GLIS3: variants seen among roughly 807,000 people sequenced by gnomAD.
The protein encoded by GLIS3 is zinc finger protein GLIS3.
Under a neutral mutation model 78.6 loss-of-function variants are expected in GLIS3, and 53 were observed. That is an observed-to-expected ratio of 0.67 (90% CI 0.54 to 0.85). The LOEUF (loss-of-function observed/expected upper bound fraction) is 0.85, where lower values mean the gene tolerates loss of function less well. Among genes scored for constraint, GLIS3 ranks in the 40% least tolerant of loss-of-function variants. GLIS3 has a pLI of 0.00. For missense variants in GLIS3, 1,703 were observed against 1,231.1 expected (o/e 1.38, Z -5.74); for synonymous variants, 684 against 509.9 (o/e 1.34, Z -4.60).
At chr9:4,176,011 G>A (rs1403846641) in intron 2 of GLIS3, among the ~76,000 whole-genome samples, 1 of 152,072 alleles carries the variant, frequency 6.6e-6, no homozygotes, top group Non-Finnish European at 1.5e-5. Context: ...AGTCCTGATT[G>A]AGCTCCAACC....
chr9:4,398,318 G>C, the GLIS3 span, among the ~76,000 whole-genome samples: 1 of 152,056 alleles, frequency 6.6e-6, no homozygotes, highest in Admixed American at 6.5e-5. Context: ...GCATTAGCAT[G>C]ACCTGGAATC....
the GLIS3 span, among the ~76,000 whole-genome samples, chr9:4,380,189 C>T: frequency 6.6e-6 from 1 of 152,178 alleles, no homozygotes. Context: ...ATTGACTCTT[C>T]CTTAAGAAGT....
At chr9:4,043,797 G>A (rs759501717) in intron 4 of GLIS3, among the ~76,000 whole-genome samples, 1 of 152,212 alleles carries the variant, frequency 6.6e-6, no homozygotes, top group Non-Finnish European at 1.5e-5. Context: ...ACACAAAAGA[G>A]AGAAGAGTAA....
chr9:4,441,853 C>T, the GLIS3 span, among the ~76,000 whole-genome samples: 1 of 152,180 alleles, frequency 6.6e-6, no homozygotes, highest in African/African-American at 2.4e-5. Flanking sequence ...GATCTGCCCA[C>T]CTCGGCCTCC....
chr9:4,347,841 G>A (rs1817915065), intron 1 of GLIS3, among the ~76,000 whole-genome samples: 1 of 152,064 alleles, frequency 6.6e-6, no homozygotes, highest in African/African-American at 2.4e-5. Context: ...ATTTTACTGG[G>A]TAATTTTTTT....
chr9:4,067,161 A>AT (rs34810075), intron 4 of GLIS3, among the ~76,000 whole-genome samples: 12 of 150,876 alleles, frequency 8.0e-5, no homozygotes, highest in Non-Finnish European at 1.5e-4. Flanking sequence ...ATCTTCTTTT[A>AT]TTTTTTTTTA....
At chr9:4,448,379 C>T in the GLIS3 span, among the ~76,000 whole-genome samples, 1 of 152,212 alleles carries the variant, frequency 6.6e-6, no homozygotes, top group South Asian at 2.1e-4. Context: ...TGCTTGTGAG[C>T]ACAGAGGCTG....
intron 2 of GLIS3, among the ~76,000 whole-genome samples, chr9:4,335,801 A>AGCTG (rs1817747355): frequency 6.6e-6 from 1 of 152,192 alleles, no homozygotes; most frequent in African/African-American, 2.4e-5. Flanking sequence ...GAATTGCCCC[A>AGCTG]GGGTCCTTCC....
chr9:4,118,983 G>C lies in GLIS3; in HGVS notation c.597-102C>G. The C allele has an allele frequency of 8.2e-7, 1 of 1,226,124 alleles. No individual in the cohort carries two copies. Among genetic ancestry groups the C allele is most frequent in the Non-Finnish European group, 1.2e-6 (1 of 867,794 alleles). 76.0% of individuals were successfully genotyped at this position (1,226,124 alleles called of 1,614,324 possible). ...GAACACTGCATTGACAATCCCTTAA[G>C]TATTTCCCCTAATTACATTCTGTGC... On this transcript the variant is annotated intron_variant, in intron 3 of 10. Transcript: ENST00000381971. The surrounding 1 kb of genome is among the most constrained non-coding windows in gnomAD (Gnocchi z 4.7).
In GLIS3 at chr9:4,143,577, A is replaced by T. The variant is rs180727822; in HGVS notation, c.389-17636T>A. On this transcript the variant is annotated intron_variant, in intron 2 of 10. Coordinates refer to ENST00000381971, the MANE Select transcript of GLIS3 (RefSeq NM_001042413.2). ...GCAAGACTGTCTCAAAAAAAAAAAT[A>T]AAAACAAAAAAAAACTACTCTCTTA... Among the ~76,000 whole-genome samples the T allele has an allele frequency of 8.3e-3, 1,263 of 152,010 alleles. 12 individuals carry two copies. Among genetic ancestry groups the T allele is most frequent in the Admixed American group, 0.016 (240 of 15,256 alleles).
At chr9:3,846,067 A>C (rs1819021809) in intron 9 of GLIS3, among the ~76,000 whole-genome samples, 1 of 152,198 alleles carries the variant, frequency 6.6e-6, no homozygotes, top group Admixed American at 6.5e-5. Context: ...ACACAGAAAA[A>C]AGTGATTTTT....
the GLIS3 span, among the ~76,000 whole-genome samples, chr9:4,361,794 A>C: frequency 1.3e-5 from 2 of 152,236 alleles, no homozygotes; most frequent in Non-Finnish European, 2.9e-5. Flanking sequence ...ATTACATCTT[A>C]AAACCCTAAA....
At chr9:4,027,792 G>A (rs1190175113) in intron 4 of GLIS3, among the ~76,000 whole-genome samples, 3 of 152,184 alleles carry the variant, frequency 2.0e-5, no homozygotes, top group Non-Finnish European at 2.9e-5. Flanking sequence ...GAGGCATTCA[G>A]ACACCTGTCT....
chr9:4,044,062 G>A (rs752064525), intron 4 of GLIS3, among the ~76,000 whole-genome samples: 4 of 152,162 alleles, frequency 2.6e-5, no homozygotes, highest in African/African-American at 4.8e-5. Context: ...AATAGGGTCC[G>A]GCACAGAAGA....
At chr9:3,837,660 G>C (rs1024697150) in intron 9 of GLIS3, among the ~76,000 whole-genome samples, 1 of 152,218 alleles carries the variant, frequency 6.6e-6, no homozygotes, top group African/African-American at 2.4e-5. Flanking sequence ...ATTGCTGAGT[G>C]AAAGAAGCCA....
intron 2 of GLIS3, among the ~76,000 whole-genome samples, chr9:4,277,856 G>C (rs537806491): frequency 6.6e-6 from 1 of 152,180 alleles, no homozygotes; most frequent in Non-Finnish European, 1.5e-5. Flanking sequence ...ATTACAATGA[G>C]TAACTGTTGG....
intron 7 of GLIS3, among the ~76,000 whole-genome samples, chr9:3,884,286 G>A (rs1053555278): frequency 5.9e-5 from 9 of 152,138 alleles, no homozygotes; most frequent in Non-Finnish European, 1.2e-4. Flanking sequence ...CCCAAATAAA[G>A]ATTACTTGTC....
chr9:3,870,983 A>T (rs934407490), intron 8 of GLIS3, among the ~76,000 whole-genome samples: 5 of 152,250 alleles, frequency 3.3e-5, no homozygotes, highest in African/African-American at 1.2e-4. Flanking sequence ...CAAGCTACTT[A>T]TTTCCCAGAT....
At chr9:4,468,887 G>C in the GLIS3 span, among the ~76,000 whole-genome samples, 9 of 152,230 alleles carry the variant, frequency 5.9e-5, no homozygotes, top group South Asian at 1.9e-3. Flanking sequence ...GTATTCAGGA[G>C]ACTCATCTCA....
Sources: gnomAD v4.1 joint callset for allele counts (sites outside exome capture counted in the v4.1 genomes callset) on GRCh38, gnomAD v4.1.1 for gene constraint, Gnocchi (gnomAD v3.1) non-coding constraint, MANE v1.5 for transcripts, NCBI Gene and HGNC (gene_info 2026-07-23, HGNC 2026-07-21) for gene names.